The following MAP3K4 variants were observed in gnomAD, a reference collection of about 807,000 sequenced individuals.
MAP3K4 encodes the protein mitogen-activated protein kinase kinase kinase 4.
MAP3K4 carries 67 observed loss-of-function variants against 185.6 expected under a neutral mutation model. The ratio of observed to expected loss-of-function variants is 0.36; its 90% CI spans 0.30 to 0.44. MAP3K4 has a LOEUF of 0.44. MAP3K4 is among the 20% of genes least tolerant of loss of function. MAP3K4 has a pLI of 1.00. For missense variants in MAP3K4, 1,551 were observed against 1,995.1 expected (o/e 0.78, Z 4.24); for synonymous variants, 702 against 710.4 (o/e 0.99, Z 0.19).
rs1783909399 is a variant in MAP3K4, at chr6:161,049,668, A to T, written c.1396A>T (p.Ile466Phe). The stretch of plus-strand genomic sequence containing the variant: ...TACGGATGAGAGTGAAGAAGAACAA[A>T]TCTCTGATCCTAGGGTACCGGAAAT... Reference protein sequence around the residue: ...SSTDESEEEQISDPRVPEIRQ... With the variant: ...SSTDESEEEQFSDPRVPEIRQ... Residue 466 changes from isoleucine to phenylalanine, a missense_variant, in exon 3 of 27, where the codon ATC becomes TTC. This residue lies in a region of MAP3K4 where 126 missense variants were observed against 112.8 expected (regional missense o/e 1.12). Transcript: ENST00000392142. This position sits in a 1 kb window ranked among gnomAD's most constrained non-coding sequence, Gnocchi z 8.4. 6.2e-7 allele frequency: 1 copy of T among 1,613,978 alleles called. No individual in the cohort carries two copies. The highest frequency in any genetic ancestry group is 1.3e-5 in the African/African-American group (1 of 74,928).
intron 2 of MAP3K4, among the ~76,000 whole-genome samples, chr6:161,038,455 C>G (rs1482344046): frequency 6.6e-6 from 1 of 152,082 alleles, no homozygotes; most frequent in Admixed American, 6.6e-5. Context: ...AAAAGCTGTC[C>G]AAGGAAATGT....
chr6:161,085,001 G>A (rs1296776646), intron 7 of MAP3K4, among the ~76,000 whole-genome samples: 1 of 152,086 alleles, frequency 6.6e-6, no homozygotes, highest in Non-Finnish European at 1.5e-5. Context: ...AAAAAAAACA[G>A]CTGGGCGTGG....
At chr6:161,010,433 G>A (rs1468591804) in intron 1 of MAP3K4, among the ~76,000 whole-genome samples, 1 of 152,056 alleles carries the variant, frequency 6.6e-6, no homozygotes, top group Non-Finnish European at 1.5e-5. Context: ...GCTAATAAAA[G>A]TGTTTATTTT....
Position 161,091,966 on chromosome 6 carries a change from A to C in MAP3K4, c.3136-44A>C. ...GCATTATAGTGTGTGATATTATTTA[A>C]TGATCATTTCCTTAATGTTGATATA... is the stretch of plus-strand genomic sequence containing the variant. On this transcript the variant is annotated intron_variant, in intron 12 of 26. Coordinates refer to ENST00000392142, the MANE Select transcript of MAP3K4 (RefSeq NM_005922.4). The surrounding 1 kb of genome is among the most constrained non-coding windows in gnomAD (Gnocchi z 5.5). 7 of 1,516,460 alleles carry C rather than the reference A, an allele frequency of 4.6e-6. No individual in the cohort carries two copies. Among genetic ancestry groups the C allele is most frequent in the Non-Finnish European group, 6.4e-6 (7 of 1,093,008 alleles). The allele number at this position is 1,516,460 out of a possible 1,614,324, so 93.9% of individuals were successfully genotyped here.
chr6:161,044,110 C>T (rs1205897654), intron 2 of MAP3K4, among the ~76,000 whole-genome samples: 1 of 151,840 alleles, frequency 6.6e-6, no homozygotes, highest in Non-Finnish European at 1.5e-5. Flanking sequence ...CTGATTTTAC[C>T]AGAATTATTG....
rs1777556911 is a variant in MAP3K4, at chr6:161,096,031, T to C, written c.3428-1049T>C. Among the ~76,000 whole-genome samples, 1 of 152,194 alleles carries C rather than the reference T, an allele frequency of 6.6e-6. No homozygotes were observed. Among genetic ancestry groups the C allele is most frequent in the South Asian group, 2.1e-4 (1 of 4,832 alleles). The stretch of plus-strand genomic sequence containing the variant: ...TGTTTTTTTTTAACCTTTGTTACTA[T>C]TGAATTTCTTCCATTTGTTACTATT... On this transcript the variant is annotated intron_variant, in intron 15 of 26. Transcript: ENST00000392142. The surrounding 1 kb of genome is among the most constrained non-coding windows in gnomAD (Gnocchi z 4.9).
Position 161,034,343 on chromosome 6 carries a change from TC to T in MAP3K4, c.238del (p.Leu80PhefsTer13). 1 of 1,613,866 alleles carries T rather than the reference TC, an allele frequency of 6.2e-7. No individual in the cohort carries two copies. Among genetic ancestry groups the T allele is most frequent in the Non-Finnish European group, 8.5e-7 (1 of 1,179,874 alleles). Reference protein sequence around the residue: ...DFSDETNTENLYGTSPPSTPR... With the variant: ...DFSDETNTENXYGTSPPSTPR... Reference sequence around the variant, plus strand: ...TCTCCGATGAAACAAATACAGAGAATCTTTATGGTACCTCTCCCCCCAGCAC... The same window carrying T: ...TCTCCGATGAAACAAATACAGAGAATTTTATGGTACCTCTCCCCCCAGCAC... On this transcript the variant is annotated frameshift_variant, in exon 2 of 27. Coordinates refer to ENST00000392142, the MANE Select transcript of MAP3K4 (RefSeq NM_005922.4). LOFTEE classifies it high-confidence loss of function. This position sits in a 1 kb window ranked among gnomAD's most constrained non-coding sequence, Gnocchi z 4.4.
intron 19 of MAP3K4, among the ~76,000 whole-genome samples, chr6:161,104,142 C>T (rs894674045): frequency 3.3e-5 from 5 of 152,262 alleles, no homozygotes; most frequent in African/African-American, 7.2e-5. Context: ...GGGCTGGGCA[C>T]GGTGGTTCAC....
At chr6:161,035,543 A>T (rs1011630317) in intron 2 of MAP3K4, among the ~76,000 whole-genome samples, 8 of 152,182 alleles carry the variant, frequency 5.3e-5, no homozygotes, top group Non-Finnish European at 1.0e-4. Flanking sequence ...AGCAGGAAAG[A>T]GTCTTTCCCA....
rs943967998 is a variant in MAP3K4, at chr6:161,087,273, C to A, written c.2557-415C>A. Among the ~76,000 whole-genome samples the A allele has an allele frequency of 6.6e-6, 1 of 152,186 alleles. No individual in the cohort carries two copies. Among genetic ancestry groups the A allele is most frequent in the African/African-American group, 2.4e-5 (1 of 41,438 alleles). ...CTCAAGGAGCCTTCTTGTGATGAAC[C>A]CCTGGCTCCCTGCCCTGGAATAATT... is the stretch of plus-strand genomic sequence containing the variant. On this transcript the variant is annotated intron_variant, in intron 9 of 26. Transcript: ENST00000392142. The surrounding 1 kb of genome is among the most constrained non-coding windows in gnomAD (Gnocchi z 4.9).
chr6:161,099,556 A>G (rs1434551093), intron 17 of MAP3K4, among the ~76,000 whole-genome samples: 1 of 152,198 alleles, frequency 6.6e-6, no homozygotes, highest in Non-Finnish European at 1.5e-5. Context: ...ATATCTTCAT[A>G]TATGCTTTTA....
chr6:161,050,432 G>T (rs1260174354), intron 3 of MAP3K4, among the ~76,000 whole-genome samples: 1 of 152,110 alleles, frequency 6.6e-6, no homozygotes, highest in African/African-American at 2.4e-5. Flanking sequence ...GTCAAGTTTT[G>T]GTCACTGTAT....
intron 3 of MAP3K4, among the ~76,000 whole-genome samples, chr6:161,068,978 C>G (rs570762418): frequency 2.2e-4 from 34 of 152,334 alleles, no homozygotes; most frequent in Admixed American, 3.3e-4. Context: ...ATGGCTTCTT[C>G]TATTTGCTGT....
At chr6:160,994,117 C>T (rs1258064224) in intron 1 of MAP3K4, among the ~76,000 whole-genome samples, 1 of 151,174 alleles carries the variant, frequency 6.6e-6, no homozygotes, top group Non-Finnish European at 1.5e-5. Context: ...TGTGAAATGC[C>T]ACCTCTTTTT....
chr6:161,015,209 C>CA (rs1198951489), intron 1 of MAP3K4, among the ~76,000 whole-genome samples: 8 of 151,574 alleles, frequency 5.3e-5, no homozygotes, highest in African/African-American at 1.5e-4. Flanking sequence ...AGCAAACTAA[C>CA]ACAGGAACGG....
At position 161,096,331 on chromosome 6, in the gene MAP3K4, TA is replaced by T. The variant is rs1220029379; in HGVS notation, c.3428-742del. ...TTAACATGAAGAGAAACTATGACAT[TA>T]AAAAAATACTAAGGAGGGTTAAAAC... is the stretch of plus-strand genomic sequence containing the variant. On this transcript the variant is annotated intron_variant, in intron 15 of 26. Coordinates refer to ENST00000392142, the MANE Select transcript of MAP3K4 (RefSeq NM_005922.4). This position sits in a 1 kb window ranked among gnomAD's most constrained non-coding sequence, Gnocchi z 4.9. Among the ~76,000 whole-genome samples the T allele has an allele frequency of 6.6e-6, 1 of 151,924 alleles. No homozygotes were observed. The highest frequency in any genetic ancestry group is 2.4e-5 in the African/African-American group (1 of 41,360).
chr6:161,002,623 G>A (rs1170538621), intron 1 of MAP3K4, among the ~76,000 whole-genome samples: 8 of 114,730 alleles, frequency 7.0e-5, no homozygotes, highest in African/African-American at 1.4e-4. Context: ...ATGGAGTCTC[G>A]CTCTGTCACC....
In MAP3K4 at chr6:161,086,623, G is replaced by A; in HGVS notation, c.2512G>A (p.Val838Ile). The A allele has an allele frequency of 6.2e-7, 1 of 1,614,084 alleles. No individual in the cohort carries two copies. Among genetic ancestry groups the A allele is most frequent in the Non-Finnish European group, 8.5e-7 (1 of 1,180,010 alleles). The change falls in exon 9 of 27, where the codon GTT becomes ATT. Residue 838 changes from valine to isoleucine, a missense_variant. Transcript: ENST00000392142. The surrounding 1 kb of genome is among the most constrained non-coding windows in gnomAD (Gnocchi z 4.8). ...AGCAGAATTCAGGCTTTCAGCCCCA[G>A]TTAGAGACCTCCTGGATGTTCTGAA... is the stretch of plus-strand genomic sequence containing the variant. Reference protein sequence around the residue: ...IAAEFRLSAPVRDLLDVLKSK... With the variant: ...IAAEFRLSAPIRDLLDVLKSK...
In MAP3K4 at chr6:161,103,297, G is replaced by T. The variant is rs1015687917; in HGVS notation, c.3856+518G>T. On this transcript the variant is annotated intron_variant, in intron 19 of 26. Transcript: ENST00000392142. This position sits in a 1 kb window ranked among gnomAD's most constrained non-coding sequence, Gnocchi z 4.6. ...AGTTTCTAAGCAGCCCAATAATTTG[G>T]CCAAGGTAGTAAATGAGAGGGTGAG... is the stretch of plus-strand genomic sequence containing the variant. Among the ~76,000 whole-genome samples the T allele has an allele frequency of 6.6e-6, 1 of 152,116 alleles. No individual in the cohort carries two copies. The highest frequency in any genetic ancestry group is 1.5e-5 in the Non-Finnish European group (1 of 68,018).
Sources: allele counts gnomAD v4.1 joint callset (sites outside exome capture counted in the v4.1 genomes callset), GRCh38; gene constraint gnomAD v4.1.1; regional missense constraint gnomAD v4.1.1; non-coding constraint Gnocchi (gnomAD v3.1); transcripts MANE v1.5; gene names NCBI Gene and HGNC (gene_info 2026-07-23, HGNC 2026-07-21).